The following CYP7B1 variants were observed in gnomAD, a reference collection of about 807,000 sequenced individuals.
CYP7B1 encodes cytochrome P450 7B1.
CYP7B1 carries 29 observed loss-of-function variants against 42.7 expected under a neutral mutation model. The ratio of observed to expected loss-of-function variants is 0.68; its 90% confidence interval spans 0.51 to 0.93. The LOEUF is 0.93. Ranked by LOEUF, CYP7B1 falls within the 40% of genes least tolerant of loss-of-function variation. The pLI is 0.00. For synonymous variants in CYP7B1, 235 were observed against 218.2 expected (o/e 1.08, Z -0.68); for missense variants, 655 against 600.5 (o/e 1.09, Z -0.95).
intron 1 of CYP7B1, among the ~76,000 whole-genome samples, chr8:64,688,919 C>T (rs1806697386): frequency 6.6e-6 from 1 of 151,866 alleles, no homozygotes; most frequent in African/African-American, 2.4e-5. Context: ...GAGCGAGACC[C>T]CATCTCAAAA....
At chr8:64,790,089 G>A (rs1016552621) in intron 1 of CYP7B1, among the ~76,000 whole-genome samples, 2 of 152,128 alleles carry the variant, frequency 1.3e-5, no homozygotes, top group African/African-American at 4.8e-5. Flanking sequence ...ATAGATGTAA[G>A]AATCAAAGCA....
intron 1 of CYP7B1, among the ~76,000 whole-genome samples, chr8:64,650,983 T>C (rs1356601305): frequency 1.3e-5 from 2 of 152,220 alleles, no homozygotes; most frequent in Non-Finnish European, 1.5e-5. Context: ...AAAATGTACT[T>C]GCAAGTGCTG....
chr8:64,764,428 A>G (rs1188683663), intron 1 of CYP7B1, among the ~76,000 whole-genome samples: 1 of 152,102 alleles, frequency 6.6e-6, no homozygotes, highest in South Asian at 2.1e-4. Flanking sequence ...AGAGAGAAAG[A>G]CAGAAAGGAA....
chr8:64,765,619 C>T (rs976275290), intron 1 of CYP7B1, among the ~76,000 whole-genome samples: 4 of 152,074 alleles, frequency 2.6e-5, no homozygotes, highest in Admixed American at 6.5e-5. Context: ...CATCAGTGAG[C>T]GTTAACTAAT....
intron 1 of CYP7B1, among the ~76,000 whole-genome samples, chr8:64,658,262 T>C (rs1239265745): frequency 6.6e-6 from 1 of 152,206 alleles, no homozygotes; most frequent in African/African-American, 2.4e-5. Context: ...CTGTGACCTC[T>C]AAAAGTTTTT....
At chr8:64,606,616 C>T (rs139133443) in intron 4 of CYP7B1, among the ~76,000 whole-genome samples, 1 of 152,292 alleles carries the variant, frequency 6.6e-6, no homozygotes, top group East Asian at 1.9e-4. Context: ...ACCACAGTAT[C>T]ACAAATGACA....
rs146635407 is a variant in CYP7B1, at chr8:64,756,575, A to G, written c.122+41891T>C. Among the ~76,000 whole-genome samples the G allele has an allele frequency of 3.5e-3, 538 of 152,332 alleles. 2 individuals are homozygous for G. The highest frequency in any genetic ancestry group is 0.012 in the African/African-American group (510 of 41,578). On this transcript the variant is annotated intron_variant, in intron 1 of 5. Coordinates refer to ENST00000310193, the MANE Select transcript of CYP7B1 (RefSeq NM_004820.5). Reference sequence around the variant, plus strand: ...TGTCATGTGGCAAACCACAGAAAGAACAAGGCACGGCGAGAAGATTCTGCT... The same window carrying G: ...TGTCATGTGGCAAACCACAGAAAGAGCAAGGCACGGCGAGAAGATTCTGCT...
At chr8:64,650,561 T>C (rs1216575302) in intron 1 of CYP7B1, among the ~76,000 whole-genome samples, 1 of 152,088 alleles carries the variant, frequency 6.6e-6, no homozygotes, top group Non-Finnish European at 1.5e-5. Flanking sequence ...GGCAGGAGAA[T>C]CACTTGAACC....
intron 1 of CYP7B1, among the ~76,000 whole-genome samples, chr8:64,710,121 C>A (rs1807059661): frequency 6.6e-6 from 1 of 152,104 alleles, no homozygotes; most frequent in Admixed American, 6.6e-5. Flanking sequence ...CAGTACCAGC[C>A]CCTGTGATTC....
At chr8:64,751,702 A>G (rs1807727954) in intron 1 of CYP7B1, among the ~76,000 whole-genome samples, 2 of 152,312 alleles carry the variant, frequency 1.3e-5, no homozygotes, top group Admixed American at 1.3e-4. Flanking sequence ...GCAATATACT[A>G]TGCAACTGAC....
At chr8:64,691,167 CAT>C (rs1563393018) in intron 1 of CYP7B1, among the ~76,000 whole-genome samples, 2 of 152,176 alleles carry the variant, frequency 1.3e-5, no homozygotes, top group African/African-American at 4.8e-5. Flanking sequence ...TCTCAATAGA[CAT>C]GGGCACTTAT....
chr8:64,793,930 A>C (rs1804662087), intron 1 of CYP7B1, among the ~76,000 whole-genome samples: 1 of 151,508 alleles, frequency 6.6e-6, no homozygotes, highest in Non-Finnish European at 1.5e-5. Flanking sequence ...GCTTGAACCA[A>C]CCTAGCATTT....
At chr8:64,749,072 C>CT (rs1013443259) in intron 1 of CYP7B1, among the ~76,000 whole-genome samples, 23 of 151,638 alleles carry the variant, frequency 1.5e-4, no homozygotes, top group African/African-American at 5.1e-4. Flanking sequence ...TTTTTATTTT[C>CT]TTTTTTTTCT....
intron 1 of CYP7B1, among the ~76,000 whole-genome samples, chr8:64,667,184 CCT>C (rs1342024224): frequency 6.6e-6 from 1 of 152,072 alleles, no homozygotes; most frequent in African/African-American, 2.4e-5. Context: ...GAAACCCCAC[CCT>C]GTCGAAATTA....
At chr8:64,674,130 A>C (rs985946681) in intron 1 of CYP7B1, among the ~76,000 whole-genome samples, 3 of 152,082 alleles carry the variant, frequency 2.0e-5, no homozygotes, top group Non-Finnish European at 4.4e-5. Flanking sequence ...CAACCTAATT[A>C]ACTTTGTTAA....
intron 1 of CYP7B1, chr8:64,728,217 T>C (rs985421326): frequency 6.6e-6 from 1 of 152,242 alleles, no homozygotes. Flanking sequence ...AGTTTAATTA[T>C]CATGCACTGC....
intron 1 of CYP7B1, among the ~76,000 whole-genome samples, chr8:64,789,072 C>G (rs1479439805): frequency 6.6e-6 from 1 of 152,066 alleles, no homozygotes; most frequent in East Asian, 1.9e-4. Context: ...AGGCACGCAC[C>G]ATCATGCCCA....
chr8:64,643,359 C>G (rs770649830), intron 1 of CYP7B1, among the ~76,000 whole-genome samples: 2 of 151,962 alleles, frequency 1.3e-5, no homozygotes, highest in Non-Finnish European at 2.9e-5. Context: ...TGTTTACACT[C>G]TAGTCCATTA....
chr8:64,769,120 C>CA (rs1804162538), intron 1 of CYP7B1, among the ~76,000 whole-genome samples: 1 of 152,150 alleles, frequency 6.6e-6, no homozygotes, highest in Non-Finnish European at 1.5e-5. Context: ...TAGTTGCAAA[C>CA]AATTGAGTAA....
Sources: gnomAD v4.1 joint callset for allele counts (sites outside exome capture counted in the v4.1 genomes callset) on GRCh38, gnomAD v4.1.1 for gene constraint, MANE v1.5 for transcripts, NCBI Gene and HGNC (gene_info 2026-07-23, HGNC 2026-07-21) for gene names.